Variants in CIC observed in about 807,000 individuals in gnomAD.
CIC encodes protein capicua homolog.
In CIC, 18 loss-of-function variants were observed where a neutral mutation model predicts 115.7. The observed-to-expected ratio is 0.16, with a 90% confidence interval of 0.11 to 0.23. The LOEUF is 0.23. CIC is among the 10% of genes least tolerant of loss of function. CIC has a pLI of 1.00. For missense variants in CIC, 2,000 were observed against 2,159.3 expected (o/e 0.93, Z 1.46); for synonymous variants, 1,076 against 923.0 (o/e 1.17, Z -3.01).
rs2147183646 is a variant in CIC at position 42,287,196 on chromosome 19, A to G, written c.3135A>G (p.Gly1045=). The G allele has an allele frequency of 6.2e-7, 1 of 1,613,642 alleles. No homozygotes were observed. Among genetic ancestry groups the G allele is most frequent in the East Asian group, 2.2e-5 (1 of 44,872 alleles). ...TTEEEASGPP[G]EPRLDSETES... ...AGGAGGAGGCCTCCGGCCCCCCAGG[A>G]GAGCCCCGGCTGGACAGTGAGACAG... Residue 1045 remains glycine, a synonymous_variant, in exon 4 of 21, where the codon GGA becomes GGG. Coordinates refer to ENST00000681038, the MANE Select transcript of CIC (RefSeq NM_001386298.1). The surrounding 1 kb of genome is among the most constrained non-coding windows in gnomAD (Gnocchi z 8.7).
rs773127998 is a variant in CIC at position 42,287,187 on chromosome 19, C to T, written c.3126C>T (p.Gly1042=). The T allele has an allele frequency of 2.5e-6, 4 of 1,613,204 alleles. No individual in the cohort carries two copies. Among genetic ancestry groups the T allele is most frequent in the East Asian group, 2.2e-5 (1 of 44,874 alleles). The change falls in exon 4 of 21, where the codon GGC becomes GGT. Residue 1042 remains glycine, a synonymous_variant. Coordinates refer to ENST00000681038, the MANE Select transcript of CIC (RefSeq NM_001386298.1). This position sits in a 1 kb window ranked among gnomAD's most constrained non-coding sequence, Gnocchi z 8.7. ...CCACCACGGAGGAGGAGGCCTCCGG[C>T]CCCCCAGGAGAGCCCCGGCTGGACA... The part of the protein sequence containing the change: ...PPPTTEEEAS[G]PPGEPRLDSE...
chr19:42,293,155 T>G lies in CIC; in HGVS notation c.6396T>G (p.Leu2132=), dbSNP rs755880547. ...VREPTAPESE[L]EGQPTPPAPP... is the part of the protein sequence containing the mutation. ...AGCCAACTGCCCCAGAGTCTGAGCT[T>G]GAGGGGCAGCCCACACCACCAGCCC... The change falls in exon 16 of 21, where the codon CTT becomes CTG. Residue 2132 remains leucine, a synonymous_variant. Coordinates refer to ENST00000681038, the MANE Select transcript of CIC (RefSeq NM_001386298.1). 1 of 1,604,838 alleles carries G rather than the reference T, an allele frequency of 6.2e-7. No individual in the cohort carries two copies. The highest frequency in any genetic ancestry group is 1.1e-5 in the South Asian group (1 of 90,146).
At position 42,294,979 on chromosome 19, in the gene CIC, C is replaced by T. The variant is rs765741625; in HGVS notation, c.7342C>T (p.Pro2448Ser). 28 of 1,599,252 alleles carry T rather than the reference C, an allele frequency of 1.8e-5. No homozygotes were observed. The highest frequency in any genetic ancestry group is 2.2e-5 in the Non-Finnish European group (26 of 1,179,462). The change falls in exon 21 of 21, where the codon CCC becomes TCC. Residue 2448 changes from proline (P) to serine (S), a missense_variant. Pro to Ser is a moderately conservative substitution (Grantham distance 74). Around this residue, in one of 8 missense-constraint regions of CIC, gnomAD observed 133 missense variants for 116.0 expected, o/e 1.15. Coordinates refer to ENST00000681038, the MANE Select transcript of CIC (RefSeq NM_001386298.1). Reference sequence around the variant, plus strand: ...AGCTGAGGCTCCTCTCCCTGTACCGCCCCCCACTGGCACCGCTGCTGCCCC... The same window carrying T: ...AGCTGAGGCTCCTCTCCCTGTACCGTCCCCCACTGGCACCGCTGCTGCCCC... ...PGAEAPLPVPPPTGTAAAPAP... is the reference protein window; with the variant it reads ...PGAEAPLPVPSPTGTAAAPAP...
At chr19:42,284,367 C>CGAGGGAGGAGGGA (rs2147130153) in intron 2 of CIC, 1 of 146,362 alleles carries the variant, frequency 6.8e-6, no homozygotes, top group African/African-American at 2.5e-5. Context: ...CCGGACTCCG[C>CGAGGGAGGAGGGA]GAGGGAGGAG....
upstream of CIC, chr19:42,269,092 C>G (rs1339168841): frequency 6.6e-6 from 1 of 152,284 alleles, no homozygotes; most frequent in East Asian, 1.9e-4. Context: ...GCCCCGCCCC[C>G]TAGCGCTGCC....
Position 42,295,327 on chromosome 19 carries a change from C to CT in CIC, c.*138dup. 1 of 742,010 alleles carries CT rather than the reference C, an allele frequency of 1.3e-6. No individual in the cohort carries two copies. The highest frequency in any genetic ancestry group is 2.2e-6 in the Non-Finnish European group (1 of 460,854). 46.0% of individuals were successfully genotyped at this position (742,010 alleles called of 1,614,324 possible). On this transcript the variant is annotated 3_prime_UTR_variant, in exon 21 of 21. Coordinates refer to ENST00000681038, the MANE Select transcript of CIC (RefSeq NM_001386298.1). ...TTGGGGCGGAATGAGGCCTGCTCCT[C>CT]TTGTAAATACCCCCTTCCCTCGAAG...
Position 42,290,342 on chromosome 19 carries a change from G to A in CIC, c.4301G>A (p.Gly1434Asp), listed in dbSNP as rs777194374. The part of the protein sequence containing the change: ...PGPPDPPVAF[G>D]KGYGSAPSSS... ...CCCCCGGATCCTCCTGTAGCCTTTG[G>A]CAAAGGCTATGGTTCCGCCCCATCC... Residue 1434 changes from glycine (G) to aspartate (D), a missense_variant, in exon 11 of 21, where the codon GGC becomes GAC. Gly to Asp is a moderately conservative substitution (Grantham distance 94, BLOSUM62 -1). Around this residue, in one of 8 missense-constraint regions of CIC, gnomAD observed 1,466 missense variants for 1,390.4 expected, o/e 1.05. Coordinates refer to ENST00000681038, the MANE Select transcript of CIC (RefSeq NM_001386298.1). The A allele has an allele frequency of 9.9e-6, 16 of 1,613,946 alleles. No individual in the cohort carries two copies. In the Admixed American group the frequency reaches 2.5e-4, roughly 25 times the overall value.
rs1325382632 is a variant in CIC, at chr19:42,269,307, G to C, written c.-85G>C. 6.6e-6 allele frequency: 1 copy of C among 150,426 alleles called. No individual in the cohort carries two copies. Among genetic ancestry groups the C allele is most frequent in the Non-Finnish European group, 1.5e-5 (1 of 67,384 alleles). The allele number at this position is 150,426 out of a possible 1,614,324, so 9.3% of individuals were successfully genotyped here. A position where few individuals can be genotyped will look rare whatever the true frequency, so the allele number is the denominator to read the frequency against. On this transcript the variant is annotated 5_prime_UTR_variant, in exon 1 of 21. Coordinates refer to ENST00000681038, the MANE Select transcript of CIC (RefSeq NM_001386298.1). Reference sequence around the variant, plus strand: ...GGGAGAATCGAGAGGGAGAGCCGGAGGGGGGGCGGGGAGGGACCGGACCGG... The same window carrying C: ...GGGAGAATCGAGAGGGAGAGCCGGACGGGGGGCGGGGAGGGACCGGACCGG...
Position 42,290,767 on chromosome 19 carries a change from C to T in CIC, c.4726C>T (p.Pro1576Ser), listed in dbSNP as rs778219736. Residue 1576 changes from proline (P) to serine (S), a missense_variant, in exon 11 of 21, where the codon CCT becomes TCT. Physicochemically the swap from Pro to Ser is moderately conservative, Grantham distance 74 (BLOSUM62 -1). Coordinates refer to ENST00000681038, the MANE Select transcript of CIC (RefSeq NM_001386298.1). The stretch of plus-strand genomic sequence containing the variant: ...GGCCCCAGCAGCTCCCCTGTCCCGT[C>T]CTGCCGCCACCATGGTCACCAATGT... ...YGAPAAPLSRPAATMVTNVVR... is the reference protein window; with the variant it reads ...YGAPAAPLSRSAATMVTNVVR... 6.2e-7 allele frequency: 1 copy of T among 1,611,966 alleles called. No homozygotes were observed. Among genetic ancestry groups the T allele is most frequent in the Non-Finnish European group, 8.5e-7 (1 of 1,179,508 alleles).
Position 42,293,767 on chromosome 19 carries a change from C to T in CIC, c.6698C>T (p.Ala2233Val), listed in dbSNP as rs750830926. The change falls in exon 17 of 21, where the codon GCG becomes GTG. Residue 2233 changes from alanine to valine, a missense_variant. Ala to Val is a moderately conservative substitution (Grantham distance 64). Coordinates refer to ENST00000681038, the MANE Select transcript of CIC (RefSeq NM_001386298.1). ...AAGDTPERKE[A>V]AGTGKKVKVR... is the part of the protein sequence containing the mutation. Reference sequence around the variant, plus strand: ...GGGGACACCCCGGAGCGCAAGGAGGCGGCTGGTACTGGCAAGAAGGTGAAG... The same window carrying T: ...GGGGACACCCCGGAGCGCAAGGAGGTGGCTGGTACTGGCAAGAAGGTGAAG... The T allele has an allele frequency of 1.1e-5, 18 of 1,612,708 alleles. No homozygotes were observed. The highest frequency in any genetic ancestry group is 1.6e-4 in the Middle Eastern group (1 of 6,080).
chr19:42,289,758 G>A (rs2037935709), intron 9 of CIC, 90 bp from the exon 10 acceptor site: 2 of 1,169,676 alleles, frequency 1.7e-6, no homozygotes, highest in Non-Finnish European at 2.5e-6. Flanking sequence ...TGCCGGTTTG[G>A]AGCAGAGCTG....
Position 42,292,303 on chromosome 19 carries a change from C to T in CIC, c.5739C>T (p.Ile1913=). The change falls in exon 14 of 21, where the codon ATC becomes ATT. Residue 1913 remains isoleucine, a synonymous_variant. Transcript: ENST00000681038. ...QKVLLPSSTR[I]TYVQSAGGHA... is the part of the protein sequence containing the mutation. ...CCCATTTCCTCTCCTGCGGCAGAATCACCTATGTGCAGTCAGCGGGCGGGC... is the reference window on the plus strand; with the variant it reads ...CCCATTTCCTCTCCTGCGGCAGAATTACCTATGTGCAGTCAGCGGGCGGGC... 6.2e-7 allele frequency: 1 copy of T among 1,613,238 alleles called. No individual in the cohort carries two copies. Among genetic ancestry groups the T allele is most frequent in the East Asian group, 2.2e-5 (1 of 44,888 alleles).
Position 42,291,391 on chromosome 19 carries a change from A to G in CIC, c.5350A>G (p.Lys1784Glu), listed in dbSNP as rs2147273334. ...CCCACCGGGCACTTCCACCAACGGC[A>G]AAGTCCTGGCTGCCACTGCACCCAC... ...TLPPGTSTNGKVLAATAPTPG... is the reference protein window; with the variant it reads ...TLPPGTSTNGEVLAATAPTPG... Residue 1784 changes from lysine (K) to glutamate (E), a missense_variant, in exon 11 of 21, where the codon AAA (lysine) becomes GAA (glutamate). Transcript: ENST00000681038. The G allele has an allele frequency of 6.2e-7, 1 of 1,612,464 alleles. No homozygotes were observed. The highest frequency in any genetic ancestry group is 1.7e-4 in the Middle Eastern group (1 of 6,060).
rs760732570 is a variant in CIC at position 42,294,595 on chromosome 19, C to T, written c.7055-9C>T. ...TGCAGCCTTGCCATGCTGCCTGTGC[C>T]CTGCACAGGTACAGAAGCCGAGGAC... On this transcript the variant is annotated splice_polypyrimidine_tract_variant and intron_variant, in intron 19 of 20. Coordinates refer to ENST00000681038, the MANE Select transcript of CIC (RefSeq NM_001386298.1). 14 of 1,613,024 alleles carry T rather than the reference C, an allele frequency of 8.7e-6. No homozygotes were observed. The highest frequency in any genetic ancestry group is 1.2e-5 in the Non-Finnish European group (14 of 1,179,942).
Position 42,270,712 on chromosome 19 carries a change from G to A in CIC, c.-10-1062G>A, listed in dbSNP as rs993115121. Among the ~76,000 whole-genome samples the A allele has an allele frequency of 3.3e-5, 5 of 152,240 alleles. No individual in the cohort carries two copies. The highest frequency in any genetic ancestry group is 6.5e-5 in the Admixed American group (1 of 15,300). On this transcript the variant is annotated intron_variant, in intron 1 of 20. Transcript: ENST00000681038. The surrounding 1 kb of genome is among the most constrained non-coding windows in gnomAD (Gnocchi z 4.1). ...GCGGGGATGCATGCAGGCAAGAAGAGGGGGGCTGGGCTTGCGGGTATCACG... is the reference window on the plus strand; with the variant it reads ...GCGGGGATGCATGCAGGCAAGAAGAAGGGGGCTGGGCTTGCGGGTATCACG...
chr19:42,284,903 G>A (rs1226651818), intron 2 of CIC: 1 of 856,812 alleles, frequency 1.2e-6, no homozygotes, highest in Non-Finnish European at 1.9e-6. Flanking sequence ...GGAAAGTTAC[G>A]GAGCTCGGCC....
chr19:42,287,313 G>T lies in CIC; in HGVS notation c.3180-7G>T, dbSNP rs562265768. The T allele has an allele frequency of 1.9e-6, 3 of 1,614,054 alleles. No homozygotes were observed. Among genetic ancestry groups the T allele is most frequent in the East Asian group, 2.2e-5 (1 of 44,870 alleles). Reference sequence around the variant, plus strand: ...TGGCCCTCACTGTCCCTGCTGCCCCGCCGCAGCTTCCTCTCCATCATGTCT... The same window carrying T: ...TGGCCCTCACTGTCCCTGCTGCCCCTCCGCAGCTTCCTCTCCATCATGTCT... On this transcript the variant is annotated splice_polypyrimidine_tract_variant and splice_region_variant and intron_variant, in intron 4 of 20. Transcript: ENST00000681038. This position sits in a 1 kb window ranked among gnomAD's most constrained non-coding sequence, Gnocchi z 8.7.
Position 42,295,384 on chromosome 19 carries a change from G to T in CIC, c.*193G>T, listed in dbSNP as rs759018407. On this transcript the variant is annotated 3_prime_UTR_variant, in exon 21 of 21. Transcript: ENST00000681038. The stretch of plus-strand genomic sequence containing the variant: ...CCCGGTGCTGGGGGGCAGCTGAGGG[G>T]CTGCAGGGGCAGTCTCCCTCCTCCA... 6 of 590,846 alleles carry T rather than the reference G, an allele frequency of 1.0e-5. No individual in the cohort carries two copies. The highest frequency in any genetic ancestry group is 1.5e-5 in the Non-Finnish European group (5 of 334,942). The allele number at this position is 590,846 out of a possible 1,614,324, so 36.6% of individuals were successfully genotyped here.
At chr19:42,286,730 A>G (rs767614095) in intron 2 of CIC, 41 bp from the exon 3 acceptor site, 3 of 1,612,944 alleles carry the variant, frequency 1.9e-6, no homozygotes, top group Non-Finnish European at 2.5e-6. Flanking sequence ...GGTTGGGGCC[A>G]GGCTCTCCTG....
Sources: allele counts gnomAD v4.1 joint callset (sites outside exome capture counted in the v4.1 genomes callset), GRCh38; gene constraint gnomAD v4.1.1; regional missense constraint gnomAD v4.1.1; non-coding constraint Gnocchi (gnomAD v3.1); transcripts MANE v1.5; gene names NCBI Gene and HGNC (gene_info 2026-07-23, HGNC 2026-07-21).